GRM8: variants seen among roughly 807,000 people sequenced by gnomAD.
GRM8 encodes the protein glutamate metabotropic receptor 8, also known as metabotropic glutamate receptor 8.
Under a neutral mutation model 87.2 loss-of-function variants are expected in GRM8, and 47 were observed. That is an observed-to-expected ratio of 0.54 (90% CI 0.43 to 0.69). The LOEUF (loss-of-function observed/expected upper bound fraction) is 0.69. Among genes scored for constraint, GRM8 ranks in the 30% least tolerant of loss-of-function variants. GRM8 has a pLI of 0.00. For missense variants in GRM8, 1,019 were observed against 1,139.2 expected, an observed-to-expected ratio of 0.89 and a Z score of 1.52; for synonymous variants, 396 against 404.5, an observed-to-expected ratio of 0.98 and a Z score of 0.25.
intron 6 of GRM8, among the ~76,000 whole-genome samples, chr7:126,871,961 GT>G (rs1799136470): frequency 6.6e-6 from 1 of 152,092 alleles, no homozygotes; most frequent in Non-Finnish European, 1.5e-5. Flanking sequence ...GATGTCTTAC[GT>G]TTGCCGGTTC....
intron 8 of GRM8, among the ~76,000 whole-genome samples, chr7:126,568,557 T>C (rs1053944945): frequency 1.3e-5 from 2 of 152,090 alleles, no homozygotes; most frequent in Non-Finnish European, 2.9e-5. Flanking sequence ...TTCATATAAT[T>C]GGGAGTTGAG....
chr7:127,020,852 A>G (rs970379446), intron 3 of GRM8, among the ~76,000 whole-genome samples: 4 of 152,164 alleles, frequency 2.6e-5, no homozygotes, highest in East Asian at 3.9e-4. Context: ...AAGAATCTCA[A>G]TGTCCAATTA....
At chr7:126,492,282 C>T (rs184696986) in intron 9 of GRM8, among the ~76,000 whole-genome samples, 144 of 152,066 alleles carry the variant, frequency 9.5e-4, no homozygotes, top group African/African-American at 3.3e-3. Flanking sequence ...AACTCCTGGA[C>T]TCAAGTGATT....
intron 7 of GRM8, among the ~76,000 whole-genome samples, chr7:126,713,771 G>A (rs1239354572): frequency 6.6e-6 from 1 of 151,904 alleles, no homozygotes; most frequent in East Asian, 1.9e-4. Flanking sequence ...TATGTTTGAT[G>A]ATCTAGGGTA....
At chr7:127,017,546 TAGAAGAAGGTGTCATCATTTTCAA>T (rs1815806657) in intron 3 of GRM8, among the ~76,000 whole-genome samples, 2 of 152,224 alleles carry the variant, frequency 1.3e-5, no homozygotes, top group East Asian at 1.9e-4. Context: ...CTTAAGTAGC[TAGAAGAAGGTGTCATCATTTTCAA>T]AGAAGAAGGT....
At chr7:126,538,048 G>A (rs1816049831) in intron 8 of GRM8, among the ~76,000 whole-genome samples, 2 of 152,126 alleles carry the variant, frequency 1.3e-5, no homozygotes, top group Middle Eastern at 3.2e-3. Context: ...TATATAGATA[G>A]ATCTTCCAGG....
chr7:126,863,872 G>A (rs1473502061), intron 6 of GRM8, among the ~76,000 whole-genome samples: 3 of 151,386 alleles, frequency 2.0e-5, no homozygotes, highest in Non-Finnish European at 4.4e-5. Flanking sequence ...TTTACTAATG[G>A]TTAACTATAA....
At chr7:127,137,914 C>T (rs1828032745) in intron 2 of GRM8, among the ~76,000 whole-genome samples, 1 of 152,116 alleles carries the variant, frequency 6.6e-6, no homozygotes, top group African/African-American at 2.4e-5. Context: ...AGGAAAGTTT[C>T]AATTTAGAGT....
intron 8 of GRM8, among the ~76,000 whole-genome samples, chr7:126,552,648 T>G (rs1398230325): frequency 2.0e-5 from 3 of 152,152 alleles, no homozygotes; most frequent in African/African-American, 7.2e-5. Context: ...AATTCCTAAG[T>G]ATTTACTATG....
intron 7 of GRM8, among the ~76,000 whole-genome samples, chr7:126,750,825 T>C (rs74359870): frequency 0.03 from 4,518 of 152,100 alleles, 254 homozygotes; most frequent in African/African-American, 0.1. Flanking sequence ...CACTAATAAG[T>C]TTTCCCCTGC....
chr7:127,173,462 G>A (rs371439728), intron 2 of GRM8, among the ~76,000 whole-genome samples: 38 of 152,198 alleles, frequency 2.5e-4, no homozygotes, highest in African/African-American at 9.1e-4. Flanking sequence ...AGAGTGAAAG[G>A]GAAAGAAAGG....
At chr7:127,197,406 G>T (rs1310423607) in intron 2 of GRM8, among the ~76,000 whole-genome samples, 1 of 152,186 alleles carries the variant, frequency 6.6e-6, no homozygotes, top group Non-Finnish European at 1.5e-5. Flanking sequence ...TCTCAGAGGA[G>T]TTGCTAAGTT....
At chr7:126,601,787 T>C (rs1052265986) in intron 8 of GRM8, among the ~76,000 whole-genome samples, 2 of 146,702 alleles carry the variant, frequency 1.4e-5, no homozygotes, top group African/African-American at 4.9e-5. Context: ...TTGTTTGTTT[T>C]TTTCTTGTAA....
At position 126,904,106 on chromosome 7, in the gene GRM8, T is replaced by A. The variant is rs1802440626; in HGVS notation, c.884A>T (p.Lys295Ile). The A allele has an allele frequency of 2.5e-6, 4 of 1,611,320 alleles. No homozygotes were observed. The East Asian group carries it at 8.9e-5, about 36-fold the overall frequency. Residue 295 changes from lysine to isoleucine, a missense_variant, in exon 5 of 11, where the codon AAA (lysine) becomes ATA (isoleucine). Transcript: ENST00000339582. ...DDIRRILEAA[K>I]KLNQSGHFLW... ...AAAATGCCCACTTTGGTTTAGTTTTTTTGCTGCTTCCAATATCCTCCTACA... is the reference window on the plus strand; with the variant it reads ...AAAATGCCCACTTTGGTTTAGTTTTATTGCTGCTTCCAATATCCTCCTACA...
At position 126,620,960 on chromosome 7, in the gene GRM8, C is replaced by A. The variant is rs929789763; in HGVS notation, c.1358-11462G>T. On this transcript the variant is annotated intron_variant, in intron 7 of 10. Coordinates refer to ENST00000339582, the MANE Select transcript of GRM8 (RefSeq NM_000845.3). Reference sequence around the variant, plus strand: ...GCTACCAAAACCTTATTTTCCTGATCATCACTGCCTAAACTATTGGAAAAG... The same window carrying A: ...GCTACCAAAACCTTATTTTCCTGATAATCACTGCCTAAACTATTGGAAAAG... Among the ~76,000 whole-genome samples the A allele has an allele frequency of 5.9e-5, 9 of 152,190 alleles. No homozygotes were observed. In the East Asian group the frequency reaches 1.5e-3, roughly 26 times the overall value.
At chr7:126,440,774 C>T (rs887756688) in intron 10 of GRM8, among the ~76,000 whole-genome samples, 6 of 151,952 alleles carry the variant, frequency 3.9e-5, no homozygotes, top group Admixed American at 6.6e-5. Context: ...GATGTTTGCG[C>T]AAAGACAAAA....
chr7:126,899,748 T>TC (rs1801886303), intron 6 of GRM8, among the ~76,000 whole-genome samples: 1 of 151,736 alleles, frequency 6.6e-6, no homozygotes, highest in Admixed American at 6.6e-5. Flanking sequence ...TTTTTTTTTT[T>TC]CTGAAAACAT....
chr7:127,151,914 C>A (rs777414205), intron 2 of GRM8, among the ~76,000 whole-genome samples: 1 of 151,964 alleles, frequency 6.6e-6, no homozygotes, highest in Non-Finnish European at 1.5e-5. Flanking sequence ...CATTCCAAAG[C>A]CTTTAATTCT....
At chr7:126,561,213 C>G (rs1485461638) in intron 8 of GRM8, among the ~76,000 whole-genome samples, 1 of 152,276 alleles carries the variant, frequency 6.6e-6, no homozygotes, top group African/African-American at 2.4e-5. Flanking sequence ...TGGCTCACAC[C>G]TGTAGTCCCA....
Sources: allele counts gnomAD v4.1 joint callset (sites outside exome capture counted in the v4.1 genomes callset), GRCh38; gene constraint gnomAD v4.1.1; transcripts MANE v1.5; gene names NCBI Gene and HGNC (gene_info 2026-07-23, HGNC 2026-07-21).